The following XKR9 variants were observed in gnomAD, a reference collection of about 807,000 sequenced individuals.
The protein encoded by XKR9 is XK related 9, also known as XK-related protein 9.
Under a neutral mutation model 32.0 loss-of-function variants are expected in XKR9, and 32 were observed. The ratio of observed to expected loss-of-function variants is 1.00; its 90% CI spans 0.76 to 1.34. The LOEUF (loss-of-function observed/expected upper bound fraction) is 1.34, where lower values mean the gene tolerates loss of function less well. Ranked by LOEUF, XKR9 falls within the 40% of genes most tolerant of loss-of-function variation. XKR9 has a pLI of 0.00. For synonymous variants in XKR9, 168 were observed against 143.4 expected (o/e 1.17, Z -1.22); for missense variants, 546 against 429.7 (o/e 1.27, Z -2.39).
chr8:71,057,293 A>G, the XKR9 span, among the ~76,000 whole-genome samples: 2 of 152,162 alleles, frequency 1.3e-5, no homozygotes, highest in Non-Finnish European at 2.9e-5. Flanking sequence ...TCATTTGTTC[A>G]TCCACAGAAC....
chr8:70,891,149 GT>G, the XKR9 span, among the ~76,000 whole-genome samples: 1 of 150,638 alleles, frequency 6.6e-6, no homozygotes, highest in African/African-American at 2.4e-5. Context: ...CTCCTGTTTT[GT>G]TTTTGCTTTT....
chr8:70,809,560 A>G, the XKR9 span, among the ~76,000 whole-genome samples: 1 of 152,296 alleles, frequency 6.6e-6, no homozygotes, highest in East Asian at 1.9e-4. Flanking sequence ...AGATTAGACA[A>G]ATGGCTAACT....
At chr8:70,740,928 C>T (rs1806961686), downstream of XKR9, among the ~76,000 whole-genome samples, 1 of 152,218 alleles carries the variant, frequency 6.6e-6, no homozygotes, top group African/African-American at 2.4e-5. Flanking sequence ...CAGGGACCCA[C>T]TTGAGGAGGC....
the XKR9 span, among the ~76,000 whole-genome samples, chr8:70,960,001 G>A: frequency 6.6e-6 from 1 of 152,196 alleles, no homozygotes; most frequent in East Asian, 1.9e-4. Flanking sequence ...AGGCCAAGGT[G>A]GGCGGATCAC....
the XKR9 span, among the ~76,000 whole-genome samples, chr8:70,883,795 C>T: frequency 6.6e-6 from 1 of 152,026 alleles, no homozygotes; most frequent in Non-Finnish European, 1.5e-5. Flanking sequence ...TGAAGGACAT[C>T]CTAGTTAGTT....
the XKR9 span, among the ~76,000 whole-genome samples, chr8:71,015,794 T>G: frequency 2.0e-5 from 3 of 152,120 alleles, no homozygotes; most frequent in Non-Finnish European, 4.4e-5. Flanking sequence ...AAAAAACTTT[T>G]GAGTGGCTAT....
At chr8:71,038,433 G>T in the XKR9 span, among the ~76,000 whole-genome samples, 3 of 149,960 alleles carry the variant, frequency 2.0e-5, no homozygotes, top group Non-Finnish European at 4.4e-5. Context: ...CGATTCTCCT[G>T]CCTCAGCCTC....
chr8:70,911,744 A>T, the XKR9 span, among the ~76,000 whole-genome samples: 1 of 152,318 alleles, frequency 6.6e-6, no homozygotes, highest in South Asian at 2.1e-4. Flanking sequence ...GGATAATGGA[A>T]TAGAAGGTGA....
chr8:70,744,655 G>A (rs1158748794), intron 2 of XKR9, among the ~76,000 whole-genome samples: 1 of 152,146 alleles, frequency 6.6e-6, no homozygotes, highest in African/African-American at 2.4e-5. Context: ...ACCCAGGCTG[G>A]AGTGCAGTGG....
chr8:70,746,529 T>G (rs1284596585), intron 2 of XKR9, among the ~76,000 whole-genome samples: 1 of 150,078 alleles, frequency 6.7e-6, no homozygotes, highest in Admixed American at 6.6e-5. Flanking sequence ...AATTTGCAGT[T>G]TCTTTCTTTT....
the XKR9 span, among the ~76,000 whole-genome samples, chr8:70,868,285 C>T: frequency 1.9e-4 from 29 of 152,066 alleles, 1 homozygote; most frequent in Admixed American, 1.5e-3. Flanking sequence ...GGCTCTGACC[C>T]CACATTTCCC....
chr8:70,918,143 T>C, the XKR9 span, among the ~76,000 whole-genome samples: 1 of 152,256 alleles, frequency 6.6e-6, no homozygotes, highest in South Asian at 2.1e-4. Context: ...TATCTTTGGG[T>C]ATTTTTTCTT....
chr8:70,936,296 C>T, the XKR9 span, among the ~76,000 whole-genome samples: 1 of 152,152 alleles, frequency 6.6e-6, no homozygotes, highest in Middle Eastern at 3.4e-3. Context: ...TTGGCAATGT[C>T]AGGTATTTCC....
chr8:70,701,254 T>C (rs900780141), intron 3 of XKR9, among the ~76,000 whole-genome samples: 5 of 152,146 alleles, frequency 3.3e-5, no homozygotes, highest in African/African-American at 1.2e-4. Context: ...CAGACGGAAA[T>C]GCAGAAATCA....
the XKR9 span, among the ~76,000 whole-genome samples, chr8:71,003,456 T>A: frequency 4.0e-4 from 61 of 152,318 alleles, no homozygotes; most frequent in Non-Finnish European, 6.3e-4. Context: ...CTTTTTTTTT[T>A]CTTTTTCAAC....
At chr8:70,730,512 A>T (rs1806628077) in intron 4 of XKR9, among the ~76,000 whole-genome samples, 1 of 152,202 alleles carries the variant, frequency 6.6e-6, no homozygotes, top group Non-Finnish European at 1.5e-5. Context: ...CATGAAATTA[A>T]TAATTTTTAA....
chr8:70,707,443 A>G (rs549353054), intron 4 of XKR9, among the ~76,000 whole-genome samples: 13 of 152,050 alleles, frequency 8.5e-5, no homozygotes, highest in Non-Finnish European at 1.6e-4. Context: ...ATGGTAACAT[A>G]AAATAAAAAC....
the XKR9 span, among the ~76,000 whole-genome samples, chr8:70,977,780 T>C: frequency 6.6e-6 from 1 of 152,206 alleles, no homozygotes; most frequent in East Asian, 1.9e-4. Flanking sequence ...GTTCAGGTCC[T>C]GGATATCCCT....
chr8:71,027,525 A>C, the XKR9 span, among the ~76,000 whole-genome samples: 1 of 150,972 alleles, frequency 6.6e-6, no homozygotes, highest in Non-Finnish European at 1.5e-5. Context: ...TTCATACTGT[A>C]GTGGGAGAGG....
Sources: allele counts gnomAD v4.1 joint callset (sites outside exome capture counted in the v4.1 genomes callset), GRCh38; gene constraint gnomAD v4.1.1; transcripts MANE v1.5; gene names NCBI Gene and HGNC (gene_info 2026-07-23, HGNC 2026-07-21).